Variants in RFX7 observed in about 807,000 individuals in gnomAD.
RFX7 encodes the protein regulatory factor X7.
Under a neutral mutation model 111.8 loss-of-function variants are expected in RFX7, and 26 were observed. The observed-to-expected ratio is 0.23, with a 90% confidence interval of 0.17 to 0.32. The LOEUF is 0.32. Among genes scored for constraint, RFX7 ranks in the 10% least tolerant of loss-of-function variants. RFX7 has a pLI of 1.00. For synonymous variants in RFX7, 624 were observed against 624.4 expected (o/e 1.00, Z 0.01); for missense variants, 1,573 against 1,772.9 (o/e 0.89, Z 2.02).
chr15:56,242,715 T>C (rs542429819), intron 2 of RFX7, among the ~76,000 whole-genome samples: 1 of 152,288 alleles, frequency 6.6e-6, no homozygotes, highest in East Asian at 1.9e-4. Context: ...GCACAGTATC[T>C]GTTTGGTGAA....
At chr15:56,127,405 G>T (rs969102552) in intron 5 of RFX7, among the ~76,000 whole-genome samples, 1 of 150,704 alleles carries the variant, frequency 6.6e-6, no homozygotes, top group Admixed American at 6.6e-5. Context: ...AATCTTCCAG[G>T]TTAAGAAACT....
rs1360586185 is a variant in RFX7 at position 56,125,325 on chromosome 15, G to A, written c.401+17453C>T. 2.6e-5 allele frequency among the ~76,000 whole-genome samples: 4 copies of A among 151,992 alleles called. No homozygotes were observed. The East Asian group carries it at 5.8e-4, about 22-fold the overall frequency. On this transcript the variant is annotated intron_variant, in intron 5 of 9. Coordinates refer to ENST00000559447, the MANE Select transcript of RFX7 (RefSeq NM_022841.7). The stretch of plus-strand genomic sequence containing the variant: ...TGTTCTTTGTGGTTAGCATTTTTTG[G>A]CAATTCTGGGTCTTCTGTGCTTCCA...
At chr15:56,106,498 C>G (rs1263729069) in intron 5 of RFX7, among the ~76,000 whole-genome samples, 1 of 152,114 alleles carries the variant, frequency 6.6e-6, no homozygotes, top group Non-Finnish European at 1.5e-5. Context: ...TTCTCAATTT[C>G]TTTAATTTTG....
chr15:56,147,693 C>T (rs540202971), intron 3 of RFX7, among the ~76,000 whole-genome samples: 2 of 152,194 alleles, frequency 1.3e-5, no homozygotes, highest in African/African-American at 4.8e-5. Context: ...CCTGACTCAG[C>T]CTTCCGAGCA....
At position 56,095,268 on chromosome 15, in the gene RFX7, A is replaced by G; in HGVS notation, c.2460T>C (p.Val820=). Residue 820 remains valine (V), a synonymous_variant, in exon 10 of 10, where the codon GTT becomes GTC. Coordinates refer to ENST00000559447, the MANE Select transcript of RFX7 (RefSeq NM_022841.7). The part of the protein sequence containing the change: ...HSDINDLEKS[V]WELEGMPQDT... ...CCTGTGGCATTCCTTCTAATTCCCA[A>G]ACAGATTTCTCTAAGTCATTGATAT... The G allele has an allele frequency of 6.2e-7, 1 of 1,613,952 alleles. No individual in the cohort carries two copies. The highest frequency in any genetic ancestry group is 8.5e-7 in the Non-Finnish European group (1 of 1,179,848).
chr15:56,217,950 T>C (rs991130782), intron 2 of RFX7, among the ~76,000 whole-genome samples: 3 of 152,004 alleles, frequency 2.0e-5, no homozygotes, highest in African/African-American at 7.2e-5. Context: ...CAGCTCTATC[T>C]GTAAATTCTG....
At chr15:56,235,742 T>C (rs1279047725) in intron 2 of RFX7, among the ~76,000 whole-genome samples, 1 of 152,230 alleles carries the variant, frequency 6.6e-6, no homozygotes, top group Non-Finnish European at 1.5e-5. Flanking sequence ...GAAATATCAC[T>C]AATCAATCAG....
chr15:56,218,100 A>G (rs546115095), intron 2 of RFX7, among the ~76,000 whole-genome samples: 52 of 136,734 alleles, frequency 3.8e-4, no homozygotes, highest in African/African-American at 1.4e-3. Context: ...TTTGCACAGC[A>G]TTTACATTGT....
chr15:56,132,932 G>T (rs1407357001), intron 5 of RFX7, among the ~76,000 whole-genome samples: 3 of 151,878 alleles, frequency 2.0e-5, no homozygotes, highest in Non-Finnish European at 4.4e-5. Flanking sequence ...TCTCACCCAA[G>T]AACTGCATAA....
intron 2 of RFX7, among the ~76,000 whole-genome samples, chr15:56,238,433 T>C (rs1415393967): frequency 1.3e-5 from 2 of 152,196 alleles, no homozygotes; most frequent in African/African-American, 4.8e-5. Flanking sequence ...ATATAGCAGA[T>C]ACAGAAGTAT....
intron 3 of RFX7, among the ~76,000 whole-genome samples, chr15:56,146,906 A>C (rs1444801524): frequency 5.9e-5 from 9 of 152,250 alleles, no homozygotes; most frequent in Admixed American, 5.9e-4. Context: ...CAGTCCAGCA[A>C]GGCTGGGCTC....
At chr15:56,231,159 T>C (rs1425233640) in intron 2 of RFX7, among the ~76,000 whole-genome samples, 7 of 152,186 alleles carry the variant, frequency 4.6e-5, no homozygotes, top group Non-Finnish European at 7.3e-5. Flanking sequence ...TTGACTGCAA[T>C]ATACAGCATA....
chr15:56,164,789 T>C, intron 3 of RFX7, among the ~76,000 whole-genome samples: 1 of 152,244 alleles, frequency 6.6e-6, no homozygotes, highest in East Asian at 1.9e-4. Context: ...AAGGTTTATC[T>C]CATAATAGGC....
rs139435879 is a variant in RFX7, at chr15:56,098,581, A to C, written c.812-205T>G. Among the ~76,000 whole-genome samples the C allele has an allele frequency of 2.0e-4, 31 of 152,372 alleles. No homozygotes were observed. The East Asian group carries it at 5.6e-3, about 27-fold the overall frequency. On this transcript the variant is annotated intron_variant, in intron 8 of 9. Transcript: ENST00000559447. ...TTTTGTCATCTTACAATATGGTTCA[A>C]CTCAGGCGACAGTTTCAGTTAACAA...
chr15:56,124,266 C>CA (rs1158474929), intron 5 of RFX7, among the ~76,000 whole-genome samples: 4 of 151,892 alleles, frequency 2.6e-5, no homozygotes, highest in African/African-American at 9.7e-5. Context: ...ACTAAAAATA[C>CA]AAAAAATTAG....
At position 56,150,995 on chromosome 15, in the gene RFX7, C is replaced by A. The variant is rs139279370; in HGVS notation, c.196-6512G>T. Among the ~76,000 whole-genome samples, 8 of 150,044 alleles carry A rather than the reference C, an allele frequency of 5.3e-5. No individual in the cohort carries two copies. The East Asian group carries it at 1.4e-3, about 26-fold the overall frequency. Reference sequence around the variant, plus strand: ...TGAAGATCAACTTAATGAAATAAAGCGAGAAGACAAGATTAGAGGGAAAAA... The same window carrying A: ...TGAAGATCAACTTAATGAAATAAAGAGAGAAGACAAGATTAGAGGGAAAAA... On this transcript the variant is annotated intron_variant, in intron 3 of 9. Coordinates refer to ENST00000559447, the MANE Select transcript of RFX7 (RefSeq NM_022841.7).
chr15:56,103,441 C>T, intron 6 of RFX7, 113 bp downstream of exon 6: 1 of 638,800 alleles, frequency 1.6e-6, no homozygotes, highest in Non-Finnish European at 2.7e-6. Context: ...TTTTGAGTTG[C>T]TTTAATTTGA....
chr15:56,185,695 A>G (rs1450115498), intron 2 of RFX7, among the ~76,000 whole-genome samples: 3 of 152,118 alleles, frequency 2.0e-5, no homozygotes, highest in African/African-American at 7.2e-5. Flanking sequence ...ACTCTGCTGC[A>G]TATTAATTTT....
At position 56,093,277 on chromosome 15, in the gene RFX7, A is replaced by C. The variant is rs2041619897; in HGVS notation, c.*68T>G. The C allele has an allele frequency of 4.6e-6, 6 of 1,311,428 alleles. No homozygotes were observed. The highest frequency in any genetic ancestry group is 5.2e-5 in the Admixed American group (2 of 38,728). 81.2% of individuals were successfully genotyped at this position (1,311,428 alleles called of 1,614,324 possible). ...TAATAGTATTTCTGCTGCGGGAGGCACTTCCATTAAGACAAATACAATACA... is the reference window on the plus strand; with the variant it reads ...TAATAGTATTTCTGCTGCGGGAGGCCCTTCCATTAAGACAAATACAATACA... On this transcript the variant is annotated 3_prime_UTR_variant, in exon 10 of 10. Transcript: ENST00000559447.
Sources: allele counts gnomAD v4.1 joint callset (sites outside exome capture counted in the v4.1 genomes callset), GRCh38; gene constraint gnomAD v4.1.1; transcripts MANE v1.5; gene names NCBI Gene and HGNC (gene_info 2026-07-23, HGNC 2026-07-21).